Variants in RSBN1 observed in about 807,000 individuals in gnomAD.
The protein encoded by RSBN1 is lysine-specific demethylase 9.
In RSBN1, 23 loss-of-function variants were observed where a neutral mutation model predicts 74.8. The observed-to-expected ratio is 0.31, with a 90% CI of 0.22 to 0.44. RSBN1 has a LOEUF of 0.44. Among genes scored for constraint, RSBN1 ranks in the 20% least tolerant of loss-of-function variants. The probability of loss-of-function intolerance (pLI) is 1.00; values close to 1 mark genes in which losing one functional copy is unlikely to be tolerated. For synonymous variants in RSBN1, 407 were observed against 379.6 expected (o/e 1.07, Z -0.84); for missense variants, 808 against 1,020.9 (o/e 0.79, Z 2.84).
intron 4 of RSBN1, among the ~76,000 whole-genome samples, chr1:113,774,273 C>T (rs1659942301): frequency 6.6e-6 from 1 of 151,942 alleles, no homozygotes; most frequent in Non-Finnish European, 1.5e-5. Context: ...CAAACTGGCT[C>T]CAGCACACCA....
chr1:113,800,756 G>A (rs1164549112), intron 1 of RSBN1, among the ~76,000 whole-genome samples: 1 of 151,678 alleles, frequency 6.6e-6, no homozygotes, highest in Non-Finnish European at 1.5e-5. Context: ...ACTTGGTCAA[G>A]TCTCTGTGGG....
chr1:113,778,754 T>G (rs1480483902), intron 2 of RSBN1, among the ~76,000 whole-genome samples: 3 of 152,316 alleles, frequency 2.0e-5, no homozygotes, highest in Admixed American at 1.3e-4. Flanking sequence ...TTTCCAGAAG[T>G]CTTTCTGGTC....
intron 1 of RSBN1, among the ~76,000 whole-genome samples, chr1:113,799,601 C>A (rs1304223416): frequency 1.7e-5 from 2 of 115,634 alleles, no homozygotes; most frequent in Admixed American, 1.6e-4. Context: ...CACACACACA[C>A]ACACACACAC....
intron 2 of RSBN1, among the ~76,000 whole-genome samples, chr1:113,778,121 C>G (rs1660064999): frequency 6.6e-6 from 1 of 151,862 alleles, no homozygotes; most frequent in Non-Finnish European, 1.5e-5. Flanking sequence ...AGAGTGTGAT[C>G]TTTATTTAAG....
At position 113,766,248 on chromosome 1, in the gene RSBN1, G is replaced by C. The variant is rs756280745; in HGVS notation, c.2141C>G (p.Thr714Arg). 3.2e-5 allele frequency: 52 copies of C among 1,614,018 alleles called. No homozygotes were observed. Among genetic ancestry groups the C allele is most frequent in the Middle Eastern group, 1.6e-4 (1 of 6,084 alleles). ...ACAGTCCATGTTAGAATTGCTTTCT[G>C]TGTTTTGAGTGGCTTCCACAACAGG... ...YHPVVEATQN[T>R]ESNSNMDCGL... The change falls in exon 7 of 7, where the codon ACA becomes AGA. Residue 714 changes from threonine to arginine, a missense_variant. Thr to Arg is a moderately conservative substitution (Grantham distance 71). Coordinates refer to ENST00000261441, the MANE Select transcript of RSBN1 (RefSeq NM_018364.5).
chr1:113,764,336 C>T lies in RSBN1; in HGVS notation c.*1644G>A, dbSNP rs1659740139. On this transcript the variant is annotated 3_prime_UTR_variant, in exon 7 of 7. Coordinates refer to ENST00000261441, the MANE Select transcript of RSBN1 (RefSeq NM_018364.5). ...GAAATGTATCCCTATTTGTCTTCATCCTTTGTAACAGAGAATACATACATA... is the reference window on the plus strand; with the variant it reads ...GAAATGTATCCCTATTTGTCTTCATTCTTTGTAACAGAGAATACATACATA... 2 of 152,820 alleles carry T rather than the reference C, an allele frequency of 1.3e-5. No homozygotes were observed. Among genetic ancestry groups the T allele is most frequent in the South Asian group, 2.1e-4 (1 of 4,820 alleles). 9.5% of individuals were successfully genotyped at this position (152,820 alleles called of 1,614,324 possible). A position where few individuals can be genotyped will look rare whatever the true frequency, so the allele number is the denominator to read the frequency against.
At chr1:113,766,561 TCA>T in intron 6 of RSBN1, 108 bp from the exon 7 acceptor site, 1 of 696,166 alleles carries the variant, frequency 1.4e-6, no homozygotes, top group South Asian at 2.0e-5. Context: ...ATAACAATAA[TCA>T]AATTAAAATT....
intron 2 of RSBN1, among the ~76,000 whole-genome samples, chr1:113,793,687 T>C (rs1320096364): frequency 1.3e-5 from 2 of 152,026 alleles, no homozygotes; most frequent in Non-Finnish European, 2.9e-5. Context: ...CTTTTTTTTT[T>C]TTTCTTTTTT....
At chr1:113,807,775 A>T (rs1437949503) in intron 1 of RSBN1, among the ~76,000 whole-genome samples, 3 of 139,434 alleles carry the variant, frequency 2.2e-5, no homozygotes, top group Admixed American at 7.5e-5. Flanking sequence ...AAAAAAAATT[A>T]TATATATATA....
In RSBN1 at chr1:113,765,876, A is replaced by T; in HGVS notation, c.*104T>A. On this transcript the variant is annotated 3_prime_UTR_variant, in exon 7 of 7. Transcript: ENST00000261441. ...GAATGTCATTTCTCTTTATAGAATTATAGGCAAGATTTCTCCAATAAAACT... is the reference window on the plus strand; with the variant it reads ...GAATGTCATTTCTCTTTATAGAATTTTAGGCAAGATTTCTCCAATAAAACT... The T allele has an allele frequency of 1.3e-6, 1 of 776,888 alleles. No individual in the cohort carries two copies. The highest frequency in any genetic ancestry group is 2.0e-6 in the Non-Finnish European group (1 of 493,802). The allele number at this position is 776,888 out of a possible 1,614,324, so 48.1% of individuals were successfully genotyped here. A position where few individuals can be genotyped will look rare whatever the true frequency, so the allele number is the denominator to read the frequency against.
intron 2 of RSBN1, among the ~76,000 whole-genome samples, chr1:113,782,214 T>C (rs1166496150): frequency 6.6e-6 from 1 of 152,174 alleles, no homozygotes; most frequent in Non-Finnish European, 1.5e-5. Context: ...CTATATTTCC[T>C]TGATGGTATA....
At chr1:113,781,084 C>G (rs958630272) in intron 2 of RSBN1, among the ~76,000 whole-genome samples, 1 of 152,142 alleles carries the variant, frequency 6.6e-6, no homozygotes, top group African/African-American at 2.4e-5. Flanking sequence ...TGCCTGCAAA[C>G]CCCAGGCCTG....
At chr1:113,806,683 T>G (rs1259920216) in intron 1 of RSBN1, among the ~76,000 whole-genome samples, 1 of 151,610 alleles carries the variant, frequency 6.6e-6, no homozygotes, top group Non-Finnish European at 1.5e-5. Context: ...TTTAAAATTT[T>G]TGCTCTGTGA....
intron 2 of RSBN1, among the ~76,000 whole-genome samples, chr1:113,790,409 A>G (rs1016153270): frequency 1.3e-5 from 2 of 152,226 alleles, no homozygotes; most frequent in Admixed American, 1.3e-4. Context: ...GATGGTATTC[A>G]TAACACAAGT....
In RSBN1 at chr1:113,765,187, G is replaced by A. The variant is rs1276916851; in HGVS notation, c.*793C>T. On this transcript the variant is annotated 3_prime_UTR_variant, in exon 7 of 7. Transcript: ENST00000261441. ...AAGCAAAATTATCCCCACAAAATGT[G>A]AGGATGCCAGGAAGCAGAACAATAG... 1.3e-5 allele frequency: 2 copies of A among 152,296 alleles called. No homozygotes were observed. The highest frequency in any genetic ancestry group is 2.9e-5 in the Non-Finnish European group (2 of 68,004). The allele number at this position is 152,296 out of a possible 1,614,324, so 9.4% of individuals were successfully genotyped here. A position where few individuals can be genotyped will look rare whatever the true frequency, so the allele number is the denominator to read the frequency against.
At chr1:113,789,789 G>A (rs1440096746) in intron 2 of RSBN1, among the ~76,000 whole-genome samples, 1 of 152,210 alleles carries the variant, frequency 6.6e-6, no homozygotes, top group Admixed American at 6.5e-5. Context: ...GCTGTTGTTT[G>A]AGAGCAGAGG....
At chr1:113,809,584 G>T (rs1422139398) in intron 1 of RSBN1, among the ~76,000 whole-genome samples, 1 of 152,314 alleles carries the variant, frequency 6.6e-6, no homozygotes, top group Admixed American at 6.5e-5. Flanking sequence ...GAAGGCTACA[G>T]TACACAGTTT....
At chr1:113,766,475 G>C (rs777547605) in intron 6 of RSBN1, 22 bp from the exon 7 acceptor site, 3 of 1,461,420 alleles carry the variant, frequency 2.1e-6, no homozygotes, top group Non-Finnish European at 2.8e-6. Flanking sequence ...AAAAAGTTAC[G>C]TGAGACTTTA....
At position 113,766,091 on chromosome 1, in the gene RSBN1, A is replaced by C; in HGVS notation, c.2298T>G (p.Leu766=). The part of the protein sequence containing the change: ...ASSSFPPASE[L]NLQQDQKTQP... ...GAGTCTTCTGATCTTGCTGTAGATT[A>C]AGTTCTGATGCAGGTGGGAAAGATG... is the stretch of plus-strand genomic sequence containing the variant. The change falls in exon 7 of 7, where the codon CTT becomes CTG. Residue 766 remains leucine, a synonymous_variant. Coordinates refer to ENST00000261441, the MANE Select transcript of RSBN1 (RefSeq NM_018364.5). The C allele has an allele frequency of 1.2e-6, 2 of 1,614,092 alleles. No individual in the cohort carries two copies. The highest frequency in any genetic ancestry group is 1.7e-6 in the Non-Finnish European group (2 of 1,179,944).
Sources: gnomAD v4.1 joint callset for allele counts (sites outside exome capture counted in the v4.1 genomes callset) on GRCh38, gnomAD v4.1.1 for gene constraint, MANE v1.5 for transcripts, NCBI Gene and HGNC (gene_info 2026-07-23, HGNC 2026-07-21) for gene names.